PNPLA1: variants seen among roughly 807,000 people sequenced by gnomAD.
PNPLA1 encodes patatin like domain 1, omega-hydroxyceramide transacylase, also known as omega-hydroxyceramide transacylase.
In PNPLA1, 36 loss-of-function variants were observed where a neutral mutation model predicts 51.7. That is an observed-to-expected ratio of 0.70 (90% CI 0.53 to 0.92). The LOEUF (loss-of-function observed/expected upper bound fraction) is 0.92. Ranked by LOEUF, PNPLA1 falls within the 40% of genes least tolerant of loss-of-function variation. The pLI is 0.00. For missense variants in PNPLA1, 658 were observed against 682.5 expected, an observed-to-expected ratio of 0.96 and a Z score of 0.40; for synonymous variants, 293 against 280.1, an observed-to-expected ratio of 1.05 and a Z score of -0.46.
chr6:36,290,170 G>C (rs910503460), intron 1 of PNPLA1, among the ~76,000 whole-genome samples: 3 of 152,194 alleles, frequency 2.0e-5, no homozygotes, highest in Admixed American at 6.5e-5. Context: ...TGTAGCCATT[G>C]CTACATGACA....
intron 1 of PNPLA1, among the ~76,000 whole-genome samples, chr6:36,261,696 GA>G (rs1037474022): frequency 1.3e-5 from 2 of 152,186 alleles, no homozygotes; most frequent in African/African-American, 4.8e-5. Context: ...TGTGCCAGGA[GA>G]AAACCCTAGG....
At chr6:36,280,985 G>A (rs1032847945) in intron 1 of PNPLA1, among the ~76,000 whole-genome samples, 1 of 152,096 alleles carries the variant, frequency 6.6e-6, no homozygotes, top group African/African-American at 2.4e-5. Context: ...TAAAGACGGG[G>A]TCTCACTATG....
intron 2 of PNPLA1, among the ~76,000 whole-genome samples, chr6:36,291,838 G>A (rs577094368): frequency 6.6e-6 from 1 of 152,282 alleles, no homozygotes; most frequent in Non-Finnish European, 1.5e-5. Context: ...AGGCCCAGGT[G>A]TGACTTGCAG....
chr6:36,266,058 A>G (rs921560666), upstream of PNPLA1, among the ~76,000 whole-genome samples: 6 of 152,206 alleles, frequency 3.9e-5, no homozygotes, highest in Non-Finnish European at 7.3e-5. Context: ...TTGGCTCCCA[A>G]TAGAGAGGCC....
Position 36,293,063 on chromosome 6 carries a change from C to G in PNPLA1, c.441C>G (p.Ala147=), listed in dbSNP as rs961982861. ...TCAGCCCTGTTCTCTCCGCACAGGC[C>G]CTATACTGCAGCTGCTTCGTCCCGG... ...EFTSKEELIE[A]LYCSCFVPVY... The change falls in exon 3 of 9, where the codon GCC becomes GCG. Residue 147 remains alanine (A), a splice_region_variant and synonymous_variant. Coordinates refer to ENST00000636260, the MANE Select transcript of PNPLA1 (RefSeq NM_001374623.1). 1 of 1,613,924 alleles carries G rather than the reference C, an allele frequency of 6.2e-7. No homozygotes were observed. The highest frequency in any genetic ancestry group is 8.5e-7 in the Non-Finnish European group (1 of 1,179,890).
chr6:36,290,211 T>A (rs1365087839), intron 1 of PNPLA1, among the ~76,000 whole-genome samples: 1 of 152,198 alleles, frequency 6.6e-6, no homozygotes, highest in East Asian at 1.9e-4. Context: ...CCATATAGCG[T>A]ATCATAGCAT....
In PNPLA1 at chr6:36,307,556, A is replaced by G. The variant is rs781255843; in HGVS notation, c.1470-31A>G. On this transcript the variant is annotated intron_variant, in intron 7 of 8. Coordinates refer to ENST00000636260, the MANE Select transcript of PNPLA1 (RefSeq NM_001374623.1). ...GTTGGAGGACCGAGGTCAGGCCCATAATGAACCATCTACTTAATCTCTTTG... is the reference window on the plus strand; with the variant it reads ...GTTGGAGGACCGAGGTCAGGCCCATGATGAACCATCTACTTAATCTCTTTG... 1.9e-6 allele frequency: 3 copies of G among 1,609,806 alleles called. No individual in the cohort carries two copies. In the South Asian group the frequency reaches 3.3e-5, roughly 18 times the overall value.
intron 1 of PNPLA1, among the ~76,000 whole-genome samples, chr6:36,260,692 C>A (rs1220316936): frequency 6.6e-6 from 1 of 152,206 alleles, no homozygotes; most frequent in African/African-American, 2.4e-5. Flanking sequence ...ATTATACACC[C>A]TCTTCTGAAC....
At chr6:36,283,705 C>T (rs1053752797) in intron 1 of PNPLA1, among the ~76,000 whole-genome samples, 4 of 152,222 alleles carry the variant, frequency 2.6e-5, no homozygotes, top group African/African-American at 9.7e-5. Context: ...AGTATGCATC[C>T]ATGTGGGAAC....
In PNPLA1 at chr6:36,302,014, C is replaced by T; in HGVS notation, c.929C>T (p.Pro310Leu). The change falls in exon 6 of 9, where the codon CCT becomes CTT. Residue 310 changes from proline (P) to leucine (L), a missense_variant. By Grantham distance (98) the Pro-to-Leu change is moderately conservative. Transcript: ENST00000636260. ...GCCAGTCTGGAAGGAGCCACACAAC[C>T]TCACAAGGAGTGGGTTCCCAAAGGG... The part of the protein sequence containing the change: ...RQASLEGATQ[P>L]HKEWVPKGDG... 6.2e-7 allele frequency: 1 copy of T among 1,614,218 alleles called. No homozygotes were observed. Among genetic ancestry groups the T allele is most frequent in the Non-Finnish European group, 8.5e-7 (1 of 1,180,040 alleles).
At chr6:36,305,808 C>G (rs1466362116) in intron 6 of PNPLA1, among the ~76,000 whole-genome samples, 1 of 126,422 alleles carries the variant, frequency 7.9e-6, no homozygotes, top group Admixed American at 1.0e-4. Flanking sequence ...GAGGAGGAGA[C>G]AGTATCTCAC....
chr6:36,299,345 T>C (rs200234353), intron 5 of PNPLA1, among the ~76,000 whole-genome samples: 4 of 122,566 alleles, frequency 3.3e-5, no homozygotes, highest in Admixed American at 8.7e-5. Flanking sequence ...GTTTTTTTTT[T>C]TTTTTTTGAG....
intron 1 of PNPLA1, among the ~76,000 whole-genome samples, chr6:36,244,498 C>T (rs1194598468): frequency 6.6e-6 from 1 of 151,954 alleles, no homozygotes; most frequent in Admixed American, 6.6e-5. Context: ...TCTGCATACT[C>T]AACTCATCCT....
intron 1 of PNPLA1, among the ~76,000 whole-genome samples, chr6:36,276,766 C>CG (rs1770112829): frequency 6.6e-6 from 1 of 151,464 alleles, no homozygotes; most frequent in Non-Finnish European, 1.5e-5. Context: ...TCCTTCCTTC[C>CG]TTCCTTCCTT....
chr6:36,275,689 A>G (rs1057022505), intron 1 of PNPLA1, among the ~76,000 whole-genome samples: 1 of 151,336 alleles, frequency 6.6e-6, no homozygotes. Flanking sequence ...ATGACAAGCA[A>G]TCTCCTCCTC....
chr6:36,258,824 C>G, intron 1 of PNPLA1, among the ~76,000 whole-genome samples: 1 of 152,312 alleles, frequency 6.6e-6, no homozygotes, highest in African/African-American at 2.4e-5. Flanking sequence ...CTTTTCAGTG[C>G]CTTTAATATG....
rs183222409 is a variant in PNPLA1 at position 36,260,807 on chromosome 6, A to G, written c.-81+17546A>G. Reference sequence around the variant, plus strand: ...AAGATTACATCACAAGCATTTATCTATCTTTCCATATGATTTTTTTCTGGG... The same window carrying G: ...AAGATTACATCACAAGCATTTATCTGTCTTTCCATATGATTTTTTTCTGGG... On this transcript the variant is annotated intron_variant, in intron 1 of 7. Coordinates refer to the PNPLA1 transcript ENST00000312917. Among the ~76,000 whole-genome samples, 151 of 152,246 alleles carry G rather than the reference A, an allele frequency of 9.9e-4. 1 individual carries two copies. The highest frequency in any genetic ancestry group is 7.4e-5 in the Non-Finnish European group (5 of 68,010).
In PNPLA1 at chr6:36,293,105, C is replaced by T. The variant is rs748137398; in HGVS notation, c.483C>T (p.Ile161=). The T allele has an allele frequency of 5.0e-6, 8 of 1,611,658 alleles. No individual in the cohort carries two copies. In the Admixed American group the frequency reaches 5.0e-5, roughly 10 times the overall value. ...TCGTCCCGGTGTACTGTGGCCTCAT[C>T]CCCCCGACTTACCGCGGTGTGGTGA... ...SCFVPVYCGL[I]PPTYRGVRYI... Residue 161 remains isoleucine, a synonymous_variant, in exon 3 of 9, where the codon ATC becomes ATT. Coordinates refer to ENST00000636260, the MANE Select transcript of PNPLA1 (RefSeq NM_001374623.1).
At chr6:36,290,443 C>A (rs954557462) in intron 1 of PNPLA1, among the ~76,000 whole-genome samples, 2 of 152,212 alleles carry the variant, frequency 1.3e-5, no homozygotes, top group African/African-American at 4.8e-5. Context: ...TACCCACTTA[C>A]AAACTGGCTG....
Sources: allele counts gnomAD v4.1 joint callset (sites outside exome capture counted in the v4.1 genomes callset), GRCh38; gene constraint gnomAD v4.1.1; transcripts MANE v1.5; gene names NCBI Gene and HGNC (gene_info 2026-07-23, HGNC 2026-07-21).